Variants in SLC44A1 observed in about 807,000 individuals in gnomAD.
The protein encoded by SLC44A1 is solute carrier family 44 member 1, also known as choline transporter-like protein 1.
SLC44A1 carries 26 observed loss-of-function variants against 79.3 expected under a neutral mutation model. The observed-to-expected ratio is 0.33, with a 90% CI of 0.24 to 0.46. The LOEUF is 0.46. Among genes scored for constraint, SLC44A1 ranks in the 20% least tolerant of loss-of-function variants. The pLI, the probability that SLC44A1 is intolerant of heterozygous loss-of-function variation, is 1.00. For synonymous variants in SLC44A1, 263 were observed against 286.2 expected (o/e 0.92, Z 0.82); for missense variants, 688 against 798.1 (o/e 0.86, Z 1.66).
intron 1 of SLC44A1, among the ~76,000 whole-genome samples, chr9:105,293,973 A>C (rs1023475982): frequency 2.9e-4 from 44 of 152,334 alleles, no homozygotes; most frequent in African/African-American, 1.0e-3. Flanking sequence ...TGTACAAAAT[A>C]TAGGAAGGCA....
At chr9:105,302,262 A>G (rs1364896932) in intron 2 of SLC44A1, among the ~76,000 whole-genome samples, 3 of 152,188 alleles carry the variant, frequency 2.0e-5, no homozygotes, top group Admixed American at 6.5e-5. Context: ...GTATAAATAT[A>G]CAAATATAAA....
rs1489103913 is a variant in SLC44A1 at position 105,299,217 on chromosome 9, T to G, written c.37-3T>G. 1.3e-6 allele frequency: 2 copies of G among 1,585,430 alleles called. No individual in the cohort carries two copies. Among genetic ancestry groups the G allele is most frequent in the Admixed American group, 3.7e-5 (2 of 53,796 alleles). On this transcript the variant is annotated splice_region_variant and splice_polypyrimidine_tract_variant and intron_variant, in intron 1 of 15. Coordinates refer to ENST00000374720, the MANE Select transcript of SLC44A1 (RefSeq NM_080546.5). ...CACTCTCTTATTTTGTATTTCCAAT[T>G]AGAGCTCCAAACGAGAATGGAAGCC...
intron 13 of SLC44A1, among the ~76,000 whole-genome samples, chr9:105,378,675 G>A (rs1828369227): frequency 6.6e-6 from 1 of 152,110 alleles, no homozygotes; most frequent in South Asian, 2.1e-4. Flanking sequence ...ATAAGAGGAA[G>A]AGAAATCTTC....
At chr9:105,416,633 C>T (rs374968994) in intron 15 of SLC44A1, among the ~76,000 whole-genome samples, 22 of 152,264 alleles carry the variant, frequency 1.4e-4, no homozygotes, top group African/African-American at 4.6e-4. Context: ...GCATTTGCGG[C>T]ATATGCACTT....
chr9:105,298,735 G>A (rs1233777888), intron 1 of SLC44A1, among the ~76,000 whole-genome samples: 1 of 151,970 alleles, frequency 6.6e-6, no homozygotes, highest in East Asian at 1.9e-4. Flanking sequence ...TTTAAGTTTA[G>A]CATCTGGACA....
At chr9:105,273,253 A>G (rs2131234481) in intron 1 of SLC44A1, among the ~76,000 whole-genome samples, 1 of 152,298 alleles carries the variant, frequency 6.6e-6, no homozygotes, top group East Asian at 1.9e-4. Flanking sequence ...CGGCCTCCCA[A>G]AGTGCTAGGA....
At position 105,311,181 on chromosome 9, in the gene SLC44A1, C is replaced by T. The variant is rs376546375; in HGVS notation, c.269+1315C>T. Among the ~76,000 whole-genome samples the T allele has an allele frequency of 2.6e-5, 4 of 152,256 alleles. No individual in the cohort carries two copies. The East Asian group carries it at 7.7e-4, about 29-fold the overall frequency. On this transcript the variant is annotated intron_variant, in intron 3 of 15. Coordinates refer to ENST00000374720, the MANE Select transcript of SLC44A1 (RefSeq NM_080546.5). ...CTGTATGTTATTTCTTGTAGCAAGACTACGATTTTTTTATTTTTATTTTGA... is the reference window on the plus strand; with the variant it reads ...CTGTATGTTATTTCTTGTAGCAAGATTACGATTTTTTTATTTTTATTTTGA...
intron 15 of SLC44A1, among the ~76,000 whole-genome samples, chr9:105,412,050 T>A (rs561377887): frequency 1.3e-5 from 2 of 152,256 alleles, no homozygotes; most frequent in Non-Finnish European, 2.9e-5. Flanking sequence ...TGTTTTCATA[T>A]AATGATGATT....
intron 1 of SLC44A1, among the ~76,000 whole-genome samples, chr9:105,284,845 A>G (rs1008455481): frequency 6.6e-6 from 1 of 152,194 alleles, no homozygotes; most frequent in African/African-American, 2.4e-5. Context: ...TAGTATGTTC[A>G]TAGAGTTGAA....
At position 105,391,643 on chromosome 9, in the gene SLC44A1, A is replaced by G; in HGVS notation, c.*2587A>G. The G allele has an allele frequency of 1.0e-6, 1 of 985,338 alleles. No homozygotes were observed. Among genetic ancestry groups the G allele is most frequent in the Non-Finnish European group, 1.2e-6 (1 of 829,904 alleles). 61.0% of individuals were successfully genotyped at this position (985,338 alleles called of 1,614,324 possible). ...AGCAATATTTAAATGTGTTGAGGTT[A>G]TGTTTGGATATTCCTGCTGCCTCTT... On this transcript the variant is annotated 3_prime_UTR_variant, in exon 16 of 16. Coordinates refer to ENST00000374720, the MANE Select transcript of SLC44A1 (RefSeq NM_080546.5).
rs553158217 is a variant in SLC44A1, at chr9:105,375,286, C to A, written c.1632+551C>A. On this transcript the variant is annotated intron_variant, in intron 13 of 15. Coordinates refer to ENST00000374720, the MANE Select transcript of SLC44A1 (RefSeq NM_080546.5). ...AACTCCTGAGCTCAGGTGATCCAAC[C>A]GCCTTCGCCTCCCAAAGTGCTGGGA... Among the ~76,000 whole-genome samples the A allele has an allele frequency of 3.9e-5, 6 of 152,310 alleles. No homozygotes were observed. In the East Asian group the frequency reaches 1.2e-3, roughly 29 times the overall value.
At chr9:105,272,962 C>CATATAT (rs3030588) in intron 1 of SLC44A1, among the ~76,000 whole-genome samples, 17 of 148,572 alleles carry the variant, frequency 1.1e-4, no homozygotes, top group African/African-American at 4.2e-4. Flanking sequence ...AATTTTCTTT[C>CATATAT]ATATATATAT....
intron 3 of SLC44A1, among the ~76,000 whole-genome samples, chr9:105,325,351 C>T (rs1343131259): frequency 1.3e-5 from 2 of 152,120 alleles, no homozygotes; most frequent in East Asian, 3.8e-4. Flanking sequence ...AGTAGTTGGA[C>T]ATGGAAGGAT....
chr9:105,404,814 C>T (rs957978602), intron 15 of SLC44A1, among the ~76,000 whole-genome samples: 5 of 152,224 alleles, frequency 3.3e-5, no homozygotes, highest in African/African-American at 7.2e-5. Flanking sequence ...GGGTAACCTG[C>T]GAAAGCCACA....
chr9:105,337,268 A>C (rs1329534291), intron 4 of SLC44A1, among the ~76,000 whole-genome samples: 1 of 152,118 alleles, frequency 6.6e-6, no homozygotes, highest in African/African-American at 2.4e-5. Context: ...TGTTGCTCCT[A>C]CCACTTACTG....
At position 105,364,718 on chromosome 9, in the gene SLC44A1, T is replaced by C. The variant is rs931333155; in HGVS notation, c.1251T>C (p.Thr417=). 6.2e-7 allele frequency: 1 copy of C among 1,610,690 alleles called. No individual in the cohort carries two copies. The highest frequency in any genetic ancestry group is 8.5e-7 in the Non-Finnish European group (1 of 1,178,288). The change falls in exon 10 of 16, where the codon ACT becomes ACC. Residue 417 remains threonine, a splice_region_variant and synonymous_variant. Transcript: ENST00000374720. ...GAGCTGTGGTAACATACTATTTTACTAGGTAAGAATATGTTGTTATTAGAA... is the reference window on the plus strand; with the variant it reads ...GAGCTGTGGTAACATACTATTTTACCAGGTAAGAATATGTTGTTATTAGAA... ...VAGAVVTYYF[T]RDKRNLPFTP... is the part of the protein sequence containing the mutation.
In SLC44A1 at chr9:105,364,394, A is replaced by T. The variant is rs192049625; in HGVS notation, c.1088-161A>T. Among the ~76,000 whole-genome samples, 3 of 152,356 alleles carry T rather than the reference A, an allele frequency of 2.0e-5. No homozygotes were observed. In the East Asian group the frequency reaches 5.8e-4, roughly 29 times the overall value. ...GCATAATAGTACAATTCTTAATTTC[A>T]CAACTTTTCAAGTGATAGTTATTTT... On this transcript the variant is annotated intron_variant, in intron 9 of 15. Coordinates refer to ENST00000374720, the MANE Select transcript of SLC44A1 (RefSeq NM_080546.5).
intron 5 of SLC44A1, 123 bp from the exon 6 acceptor site, chr9:105,356,089 A>G (rs191070025): frequency 2.7e-6 from 2 of 730,596 alleles, no homozygotes; most frequent in East Asian, 2.6e-5. Context: ...CTTAGCTCCC[A>G]TAATGATGTG....
chr9:105,434,802 T>C (rs569216804), intron 15 of SLC44A1, among the ~76,000 whole-genome samples: 8 of 152,354 alleles, frequency 5.3e-5, no homozygotes, highest in African/African-American at 1.4e-4. Context: ...CTGTATACTT[T>C]AGTCTTAAGG....
Sources: allele counts gnomAD v4.1 joint callset (sites outside exome capture counted in the v4.1 genomes callset), GRCh38; gene constraint gnomAD v4.1.1; transcripts MANE v1.5; gene names NCBI Gene and HGNC (gene_info 2026-07-23, HGNC 2026-07-21).